The following CHAMP1 variants were observed in gnomAD, a reference collection of about 807,000 sequenced individuals.
CHAMP1 encodes the protein chromosome alignment-maintaining phosphoprotein 1.
A neutral mutation model predicts 54.5 loss-of-function variants in CHAMP1; 4 were observed. The ratio of observed to expected loss-of-function variants is 0.07; its 90% CI spans 0.04 to 0.17. CHAMP1 has a LOEUF of 0.17. Among genes scored for constraint, CHAMP1 ranks in the 10% least tolerant of loss-of-function variants. The pLI is 1.00. For missense variants in CHAMP1, 994 were observed against 968.6 expected, an observed-to-expected ratio of 1.03 and a Z score of -0.35; for synonymous variants, 368 against 342.2, an observed-to-expected ratio of 1.08 and a Z score of -0.83.
chr13:114,326,360 G>A lies in CHAMP1; in HGVS notation c.*79G>A, dbSNP rs2087251288. 6.9e-7 allele frequency: 1 copy of A among 1,449,168 alleles called. No homozygotes were observed. Among genetic ancestry groups the A allele is most frequent in the Non-Finnish European group, 9.2e-7 (1 of 1,086,682 alleles). The allele number at this position is 1,449,168 out of a possible 1,614,324, so 89.8% of individuals were successfully genotyped here. A position where few individuals can be genotyped will look rare whatever the true frequency, so the allele number is the denominator to read the frequency against. ...TAAGTATAGCTTATCAGATAGCATAGTTGGATCAGTAGATGACATGTATGG... is the reference window on the plus strand; with the variant it reads ...TAAGTATAGCTTATCAGATAGCATAATTGGATCAGTAGATGACATGTATGG... On this transcript the variant is annotated 3_prime_UTR_variant, in exon 3 of 3. Coordinates refer to ENST00000361283, the MANE Select transcript of CHAMP1 (RefSeq NM_032436.4).
chr13:114,319,872 T>C (rs1327519244), intron 1 of CHAMP1, among the ~76,000 whole-genome samples: 2 of 152,204 alleles, frequency 1.3e-5, no homozygotes, highest in Non-Finnish European at 2.9e-5. Context: ...GACGCTGGAA[T>C]AGTCAGGGAG....
At chr13:114,317,108 C>A (rs1376331806) in intron 1 of CHAMP1, among the ~76,000 whole-genome samples, 1 of 152,088 alleles carries the variant, frequency 6.6e-6, no homozygotes, top group East Asian at 1.9e-4. Context: ...ACCTCCGTCT[C>A]CCGGGTTCAA....
chr13:114,324,806 C>T lies in CHAMP1; in HGVS notation c.964C>T (p.Pro322Ser). 1 of 1,614,078 alleles carries T rather than the reference C, an allele frequency of 6.2e-7. No individual in the cohort carries two copies. Reference protein sequence around the residue: ...WKPGPPGSPRPWKSNPSASSG... With the variant: ...WKPGPPGSPRSWKSNPSASSG... ...ACCAGGGCCACCTGGGTCCCCTAGG[C>T]CTTGGAAATCCAATCCTTCAGCATC... The change falls in exon 3 of 3, where the codon CCT becomes TCT. Residue 322 changes from proline (P) to serine (S), a missense_variant. Around this residue, in one of 3 missense-constraint regions of CHAMP1, gnomAD observed 851 missense variants for 701.3 expected, o/e 1.21. Transcript: ENST00000361283.
Position 114,325,119 on chromosome 13 carries a change from T to C in CHAMP1, c.1277T>C (p.Leu426Pro). The C allele has an allele frequency of 1.2e-6, 2 of 1,614,088 alleles. No individual in the cohort carries two copies. The highest frequency in any genetic ancestry group is 2.2e-5 in the South Asian group (2 of 91,070). ...GAGCTTCGCAAACCCGGCCCACCAC[T>C]ATCCCCAGAGATCCGTAGTCCAGCA... ...SPELRKPGPPLSPEIRSPAGS... is the reference protein window; with the variant it reads ...SPELRKPGPPPSPEIRSPAGS... Residue 426 changes from leucine (L) to proline (P), a missense_variant, in exon 3 of 3, where the codon CTA becomes CCA. Leu to Pro is a moderately conservative substitution (Grantham distance 98). Transcript: ENST00000361283.
rs150434475 is a variant in CHAMP1 at position 114,324,961 on chromosome 13, A to T, written c.1119A>T (p.Ser373=). 1.1e-5 allele frequency: 18 copies of T among 1,613,664 alleles called. No homozygotes were observed. The African/African-American group carries it at 2.0e-4, about 18-fold the overall frequency. The change falls in exon 3 of 3, where the codon TCA becomes TCT. Residue 373 remains serine (S), a synonymous_variant. Transcript: ENST00000361283. ...PSVSSASWKS[S]SVSPSSWKSP... Reference sequence around the variant, plus strand: ...TGTCTTCTGCATCCTGGAAATCTTCATCAGTCTCACCCAGCTCCTGGAAGT... The same window carrying T: ...TGTCTTCTGCATCCTGGAAATCTTCTTCAGTCTCACCCAGCTCCTGGAAGT...
rs782355432 is a variant in CHAMP1, at chr13:114,325,763, T to C, written c.1921T>C (p.Leu641=). The C allele has an allele frequency of 1.9e-6, 3 of 1,614,018 alleles. No individual in the cohort carries two copies. The highest frequency in any genetic ancestry group is 1.7e-5 in the Admixed American group (1 of 59,996). The change falls in exon 3 of 3, where the codon TTG becomes CTG. Residue 641 remains leucine (L), a synonymous_variant. Coordinates refer to ENST00000361283, the MANE Select transcript of CHAMP1 (RefSeq NM_032436.4). ...LSSSEYIKTD[L]DAMDIKGQES... is the part of the protein sequence containing the mutation. ...TAGTAGTGAGTACATAAAAACAGATTTGGATGCGATGGATATTAAGGGCCA... is the reference window on the plus strand; with the variant it reads ...TAGTAGTGAGTACATAAAAACAGATCTGGATGCGATGGATATTAAGGGCCA...
chr13:114,325,641 T>A lies in CHAMP1; in HGVS notation c.1799T>A (p.Leu600His). Residue 600 changes from leucine to histidine, a missense_variant, in exon 3 of 3, where the codon CTT (leucine) becomes CAT (histidine). Leu to His is a moderately conservative substitution (Grantham distance 99, BLOSUM62 -3). Transcript: ENST00000361283. Reference protein sequence around the residue: ...QKCDILVQEELLASPKKLLED... With the variant: ...QKCDILVQEEHLASPKKLLED... ...TGTGATATTTTGGTTCAGGAAGAACTTCTAGCTTCACCTAAGAAACTCTTA... is the reference window on the plus strand; with the variant it reads ...TGTGATATTTTGGTTCAGGAAGAACATCTAGCTTCACCTAAGAAACTCTTA... 1 of 1,614,162 alleles carries A rather than the reference T, an allele frequency of 6.2e-7. No individual in the cohort carries two copies.
At position 114,325,362 on chromosome 13, in the gene CHAMP1, C is replaced by T. The variant is rs935216320; in HGVS notation, c.1520C>T (p.Ser507Phe). Reference protein sequence around the residue: ...RKPGPSGPSESPKAASDIWKP... With the variant: ...RKPGPSGPSEFPKAASDIWKP... Reference sequence around the variant, plus strand: ...CCAGGTCCTTCTGGGCCATCTGAGTCCCCCAAAGCAGCCTCAGATATCTGG... The same window carrying T: ...CCAGGTCCTTCTGGGCCATCTGAGTTCCCCAAAGCAGCCTCAGATATCTGG... The change falls in exon 3 of 3, where the codon TCC becomes TTC. Residue 507 changes from serine (S) to phenylalanine (F), a missense_variant. Ser to Phe is a radical substitution (Grantham distance 155). Coordinates refer to ENST00000361283, the MANE Select transcript of CHAMP1 (RefSeq NM_032436.4). 1.9e-6 allele frequency: 3 copies of T among 1,613,968 alleles called. No homozygotes were observed. The highest frequency in any genetic ancestry group is 2.2e-5 in the East Asian group (1 of 44,904).
At chr13:114,319,514 T>C (rs2087142521) in intron 1 of CHAMP1, among the ~76,000 whole-genome samples, 1 of 152,238 alleles carries the variant, frequency 6.6e-6, no homozygotes, top group Non-Finnish European at 1.5e-5. Context: ...CAGCTGGGGC[T>C]TCTAGGAAGA....
In CHAMP1 at chr13:114,324,314, A is replaced by C. The variant is rs1291930032; in HGVS notation, c.472A>C (p.Lys158Gln). 6.2e-7 allele frequency: 1 copy of C among 1,613,984 alleles called. No homozygotes were observed. The highest frequency in any genetic ancestry group is 8.5e-7 in the Non-Finnish European group (1 of 1,180,016). Residue 158 changes from lysine (K) to glutamine (Q), a missense_variant, in exon 3 of 3, where the codon AAA becomes CAA. Lys to Gln is a moderately conservative substitution (Grantham distance 53). Around this residue, in one of 3 missense-constraint regions of CHAMP1, gnomAD observed 851 missense variants for 701.3 expected, o/e 1.21. Coordinates refer to ENST00000361283, the MANE Select transcript of CHAMP1 (RefSeq NM_032436.4). The stretch of plus-strand genomic sequence containing the variant: ...TCCTCTTACTCCCCTGGAGCCTCAG[A>C]AACCTGGCTCTGTTGTTTCTCCTGA... ...PTPLTPLEPQKPGSVVSPELQ... is the reference protein window; with the variant it reads ...PTPLTPLEPQQPGSVVSPELQ...
rs782437169 is a variant in CHAMP1, at chr13:114,324,287, ACTC to A, written c.449_451del (p.Pro150del). ...TTTGTCTCCAGAATCGCCAAAACCTACTCCTCTTACTCCCCTGGAGCCTCAGAA... is the reference window on the plus strand; with the variant it reads ...TTTGTCTCCAGAATCGCCAAAACCTACTCTTACTCCCCTGGAGCCTCAGAA... On this transcript the variant is annotated inframe_deletion, in exon 3 of 3. Coordinates refer to ENST00000361283, the MANE Select transcript of CHAMP1 (RefSeq NM_032436.4). 8.0e-5 allele frequency: 129 copies of A among 1,613,880 alleles called. No individual in the cohort carries two copies. The Middle Eastern group carries it at 8.2e-4, about 10-fold the overall frequency.
At chr13:114,322,762 G>C (rs1005094873) in intron 2 of CHAMP1, 1 of 152,204 alleles carries the variant, frequency 6.6e-6, no homozygotes, top group Non-Finnish European at 1.5e-5. Context: ...TAAGTTGCCA[G>C]ATAATATGTT....
At position 114,324,882 on chromosome 13, in the gene CHAMP1, C is replaced by T. The variant is rs889733061; in HGVS notation, c.1040C>T (p.Pro347Leu). 1 of 1,614,162 alleles carries T rather than the reference C, an allele frequency of 6.2e-7. No individual in the cohort carries two copies. The highest frequency in any genetic ancestry group is 1.7e-5 in the Admixed American group (1 of 60,024). Residue 347 changes from proline (P) to leucine (L), a missense_variant, in exon 3 of 3, where the codon CCT (proline) becomes CTT (leucine). Transcript: ENST00000361283. ...CCTGCTCCATCTGTGTCTCCTGGAC[C>T]TTGGAAACCAATTCCTTCTGTATCT... The part of the protein sequence containing the change: ...AKPAPSVSPG[P>L]WKPIPSVSPG...
At position 114,324,510 on chromosome 13, in the gene CHAMP1, G is replaced by T. The variant is rs2087214980; in HGVS notation, c.668G>T (p.Ser223Ile). The T allele has an allele frequency of 1.2e-5, 20 of 1,614,052 alleles. No individual in the cohort carries two copies. Among genetic ancestry groups the T allele is most frequent in the Non-Finnish European group, 1.6e-5 (19 of 1,179,994 alleles). ...CCTGAGTCAGTAAAGGCTACTCTTA[G>T]TAATCCCAAACCCCAGAAGCAGTCT... is the stretch of plus-strand genomic sequence containing the variant. ...VSPESVKATLSNPKPQKQSHF... is the reference protein window; with the variant it reads ...VSPESVKATLINPKPQKQSHF... Residue 223 changes from serine to isoleucine, a missense_variant, in exon 3 of 3, where the codon AGT becomes ATT. Physicochemically the swap from Ser to Ile is moderately radical, Grantham distance 142 (BLOSUM62 -2). Transcript: ENST00000361283.
rs1555379899 is a variant in CHAMP1 at position 114,325,758 on chromosome 13, C to G, written c.1916C>G (p.Thr639Arg). 6.2e-7 allele frequency: 1 copy of G among 1,614,098 alleles called. No individual in the cohort carries two copies. Among genetic ancestry groups the G allele is most frequent in the South Asian group, 1.1e-5 (1 of 91,082 alleles). The change falls in exon 3 of 3, where the codon ACA becomes AGA. Residue 639 changes from threonine (T) to arginine (R), a missense_variant. Transcript: ENST00000361283. ...CTTAGTAGTAGTGAGTACATAAAAACAGATTTGGATGCGATGGATATTAAG... is the reference window on the plus strand; with the variant it reads ...CTTAGTAGTAGTGAGTACATAAAAAGAGATTTGGATGCGATGGATATTAAG... ...AELSSSEYIK[T>R]DLDAMDIKGQ...
In CHAMP1 at chr13:114,325,252, A is replaced by C; in HGVS notation, c.1410A>C (p.Lys470Asn). The C allele has an allele frequency of 1.2e-6, 2 of 1,613,912 alleles. No homozygotes were observed. The highest frequency in any genetic ancestry group is 1.7e-6 in the Non-Finnish European group (2 of 1,179,964). ...PASLDFPESQ[K>N]SSRGGSPDLW... The stretch of plus-strand genomic sequence containing the variant: ...CACTTGATTTCCCTGAGTCCCAGAA[A>C]AGTTCCCGTGGTGGTTCTCCTGATC... The change falls in exon 3 of 3, where the codon AAA (lysine) becomes AAC (asparagine). Residue 470 changes from lysine to asparagine, a missense_variant. Physicochemically the swap from Lys to Asn is moderately conservative, Grantham distance 94. Coordinates refer to ENST00000361283, the MANE Select transcript of CHAMP1 (RefSeq NM_032436.4).
intron 1 of CHAMP1, among the ~76,000 whole-genome samples, chr13:114,315,581 T>C (rs1327780968): frequency 6.6e-6 from 1 of 152,138 alleles, no homozygotes; most frequent in Non-Finnish European, 1.5e-5. Context: ...CATTATACAG[T>C]ATAAACGAGC....
chr13:114,317,389 G>T (rs770713863), intron 1 of CHAMP1, among the ~76,000 whole-genome samples: 10 of 151,480 alleles, frequency 6.6e-5, no homozygotes, highest in African/African-American at 2.4e-4. Context: ...ACTTTGAGAG[G>T]CCAAGGCAAC....
chr13:114,320,632 T>C (rs2139413027), intron 1 of CHAMP1, among the ~76,000 whole-genome samples: 1 of 152,188 alleles, frequency 6.6e-6, no homozygotes, highest in Non-Finnish European at 1.5e-5. Flanking sequence ...AGGAGTGGTA[T>C]CTACTGTAGT....
Sources: gnomAD v4.1 joint callset for allele counts (sites outside exome capture counted in the v4.1 genomes callset) on GRCh38, gnomAD v4.1.1 for gene constraint, gnomAD v4.1.1 regional missense constraint, MANE v1.5 for transcripts, NCBI Gene and HGNC (gene_info 2026-07-23, HGNC 2026-07-21) for gene names.